Variants in ABLIM1 observed in about 807,000 individuals in gnomAD.
ABLIM1 encodes actin-binding LIM protein 1.
ABLIM1 carries 40 observed loss-of-function variants against 107.0 expected under a neutral mutation model. The observed-to-expected ratio is 0.37, with a 90% CI of 0.29 to 0.49. ABLIM1 has a LOEUF of 0.49. Ranked by LOEUF, ABLIM1 falls within the 20% of genes least tolerant of loss-of-function variation. ABLIM1 has a pLI of 0.97. For missense variants in ABLIM1, 857 were observed against 1,008.5 expected (o/e 0.85, Z 2.04); for synonymous variants, 357 against 357.3 (o/e 1.00, Z 0.01).
chr10:114,561,444 T>C (rs1565938589), intron 4 of ABLIM1, among the ~76,000 whole-genome samples: 2 of 152,238 alleles, frequency 1.3e-5, no homozygotes, highest in South Asian at 4.1e-4. Context: ...TTATTTTTAA[T>C]ACAGTTTGCT....
rs73373705 is a variant in ABLIM1, at chr10:114,707,617, C to G, written c.-213+60444G>C. On this transcript the variant is annotated intron_variant, in intron 1 of 15. Coordinates refer to the ABLIM1 transcript ENST00000651092. This position sits in a 1 kb window ranked among gnomAD's most constrained non-coding sequence, Gnocchi z 4.1. ...GTACTAGTCATAAAAAACTAATTAC[C>G]GGCCGGGCACGGTGGCTCACACTTA... Among the ~76,000 whole-genome samples the G allele has an allele frequency of 3.3e-5, 5 of 152,012 alleles. No individual in the cohort carries two copies. Among genetic ancestry groups the G allele is most frequent in the African/African-American group, 1.2e-4 (5 of 41,364 alleles).
At chr10:114,635,468 C>T (rs1339180323) in intron 1 of ABLIM1, among the ~76,000 whole-genome samples, 3 of 152,238 alleles carry the variant, frequency 2.0e-5, no homozygotes, top group Non-Finnish European at 4.4e-5. Flanking sequence ...CAGGATCCCT[C>T]CGTGGGACTG....
intron 1 of ABLIM1, chr10:114,632,526 T>G: frequency 1.0e-6 from 1 of 985,426 alleles, no homozygotes; most frequent in Non-Finnish European, 1.2e-6. Flanking sequence ...TAATGGCAAT[T>G]TCAAGTTCAC....
rs764171497 is a variant in ABLIM1 at position 114,453,430 on chromosome 10, G to A, written c.1495C>T (p.Arg499Cys). 2.6e-5 allele frequency: 42 copies of A among 1,613,678 alleles called. No individual in the cohort carries two copies. Among genetic ancestry groups the A allele is most frequent in the Non-Finnish European group, 3.1e-5 (36 of 1,179,794 alleles). ...NSPLPYRPDS[R>C]PLTPTYAQAP... ...TGAGCGTAAGTTGGAGTTAGAGGGC[G>A]GCTGTCTGGCCGGTAAGGGAGAGGG... The change falls in exon 13 of 23, where the codon CGC becomes TGC. Residue 499 changes from arginine to cysteine, a missense_variant. Around this residue, in one of 5 missense-constraint regions of ABLIM1, gnomAD observed 381 missense variants for 506.9 expected, o/e 0.75. Transcript: ENST00000533213.
At chr10:114,668,892 C>T (rs923294264) in intron 1 of ABLIM1, among the ~76,000 whole-genome samples, 3 of 152,170 alleles carry the variant, frequency 2.0e-5, no homozygotes, top group Non-Finnish European at 4.4e-5. Flanking sequence ...GGATAGCTTT[C>T]GTAGTATCCA....
chr10:114,781,043 G>C, the ABLIM1 span, among the ~76,000 whole-genome samples: 1 of 152,200 alleles, frequency 6.6e-6, no homozygotes, highest in Admixed American at 6.5e-5. Flanking sequence ...AGGGGCAACA[G>C]AATCACTTCT....
intron 12 of ABLIM1, among the ~76,000 whole-genome samples, chr10:114,460,702 T>C (rs1043732729): frequency 4.6e-5 from 7 of 152,250 alleles, no homozygotes; most frequent in African/African-American, 1.7e-4. Flanking sequence ...CTCATTGTTC[T>C]TGATTTATAG....
intron 7 of ABLIM1, among the ~76,000 whole-genome samples, chr10:114,488,281 G>T (rs1240697439): frequency 1.3e-5 from 2 of 151,936 alleles, no homozygotes. Context: ...TTTGATGCAA[G>T]AGATATTTAG....
chr10:114,572,662 A>G (rs1190840729), intron 3 of ABLIM1, among the ~76,000 whole-genome samples: 1 of 152,136 alleles, frequency 6.6e-6, no homozygotes, highest in African/African-American at 2.4e-5. Context: ...CCAACTTAGA[A>G]CTTGTTTTAT....
intron 6 of ABLIM1, among the ~76,000 whole-genome samples, chr10:114,497,642 A>G (rs1275692221): frequency 2.3e-5 from 3 of 129,388 alleles, no homozygotes; most frequent in Non-Finnish European, 4.7e-5. Flanking sequence ...AGATCGCACC[A>G]CTGCACTCCA....
chr10:114,787,405 G>C, the ABLIM1 span, among the ~76,000 whole-genome samples: 4 of 150,768 alleles, frequency 2.7e-5, no homozygotes, highest in African/African-American at 4.9e-5. Flanking sequence ...GAGGGAGATG[G>C]GGGGGTCAGC....
chr10:114,540,482 T>C (rs1262459247), intron 6 of ABLIM1, among the ~76,000 whole-genome samples: 2 of 152,052 alleles, frequency 1.3e-5, no homozygotes, highest in Non-Finnish European at 2.9e-5. Context: ...TTCAAGCTGA[T>C]GTGATTTTCA....
At chr10:114,789,791 G>GTT in the ABLIM1 span, among the ~76,000 whole-genome samples, 95 of 135,038 alleles carry the variant, frequency 7.0e-4, no homozygotes, top group African/African-American at 2.2e-3. Context: ...ATGTATATTT[G>GTT]TTTTTTTTTT....
intron 1 of ABLIM1, among the ~76,000 whole-genome samples, chr10:114,604,622 A>G (rs2076285044): frequency 6.6e-6 from 1 of 152,236 alleles, no homozygotes; most frequent in African/African-American, 2.4e-5. Flanking sequence ...GCATACTCCA[A>G]TTTAAGAGCT....
rs116081317 is a variant in ABLIM1 at position 114,567,071 on chromosome 10, T to C, written c.673+4226A>G. Among the ~76,000 whole-genome samples, 754 of 152,216 alleles carry C rather than the reference T, an allele frequency of 5.0e-3. 6 individuals are homozygous for C. The highest frequency in any genetic ancestry group is 0.017 in the African/African-American group (726 of 41,524). ...CTCAAAAACAAAAACTGTCTGGTGG[T>C]TTCCATTCACCAACACTTGGTATAA... On this transcript the variant is annotated intron_variant, in intron 4 of 22. Coordinates refer to ENST00000533213, the MANE Select transcript of ABLIM1 (RefSeq NM_002313.7).
At chr10:114,787,389 G>C in the ABLIM1 span, among the ~76,000 whole-genome samples, 3 of 150,842 alleles carry the variant, frequency 2.0e-5, no homozygotes, top group African/African-American at 2.4e-5. Context: ...CAGCCACCCC[G>C]TCCGGGAGGG....
rs999371607 is a variant in ABLIM1 at position 114,767,977 on chromosome 10, C to T, written c.-213+84G>A. ...AAGTTTCAGGCCGGGCTGGGGCCGG[C>T]GCGGCTGTCGCAGCCCCCCCGCCCT... On this transcript the variant is annotated intron_variant, in intron 1 of 15. Transcript: ENST00000651092. 1.1e-4 allele frequency: 46 copies of T among 403,590 alleles called. 2 individuals are homozygous for T. The highest frequency in any genetic ancestry group is 4.9e-4 in the South Asian group (29 of 58,610). The allele number at this position is 403,590 out of a possible 1,614,324, so 25.0% of individuals were successfully genotyped here. A position where few individuals can be genotyped will look rare whatever the true frequency, so the allele number is the denominator to read the frequency against.
At chr10:114,673,684 T>G (rs2080356228) in intron 1 of ABLIM1, among the ~76,000 whole-genome samples, 2 of 152,236 alleles carry the variant, frequency 1.3e-5, no homozygotes, top group South Asian at 4.1e-4. Flanking sequence ...ATCCTATATA[T>G]TTTCTCATGG....
intron 1 of ABLIM1, among the ~76,000 whole-genome samples, chr10:114,732,821 A>G (rs2142178615): frequency 6.6e-6 from 1 of 152,340 alleles, no homozygotes; most frequent in East Asian, 1.9e-4. Context: ...ACTTTAATAC[A>G]TGGAAATATC....
Sources: allele counts gnomAD v4.1 joint callset (sites outside exome capture counted in the v4.1 genomes callset), GRCh38; gene constraint gnomAD v4.1.1; regional missense constraint gnomAD v4.1.1; non-coding constraint Gnocchi (gnomAD v3.1); transcripts MANE v1.5; gene names NCBI Gene and HGNC (gene_info 2026-07-23, HGNC 2026-07-21).